DGKE: variants seen among roughly 807,000 people sequenced by gnomAD.
DGKE encodes the protein diacylglycerol kinase epsilon, also known as DAG kinase epsilon.
In DGKE, 53 loss-of-function variants were observed where a neutral mutation model predicts 70.0. The ratio of observed to expected loss-of-function variants is 0.76; its 90% CI spans 0.61 to 0.95. DGKE has a LOEUF of 0.95. Ranked by LOEUF, DGKE falls within the 40% of genes least tolerant of loss-of-function variation. The pLI, the probability that DGKE is intolerant of heterozygous loss-of-function variation, is 0.00. For missense variants in DGKE, 655 were observed against 706.9 expected, an observed-to-expected ratio of 0.93 and a Z score of 0.83; for synonymous variants, 291 against 257.0, an observed-to-expected ratio of 1.13 and a Z score of -1.27.
intron 4 of DGKE, 74 bp downstream of exon 4, chr17:56,845,883 G>A (rs1220052645): frequency 7.2e-7 from 1 of 1,393,710 alleles, no homozygotes; most frequent in Non-Finnish European, 9.6e-7. Context: ...AATGCTTCAA[G>A]TCACTAATCA....
In DGKE at chr17:56,866,206, C is replaced by T. The variant is rs902491022; in HGVS notation, c.*3415C>T. Reference sequence around the variant, plus strand: ...TCAATTTTTCCCTTGAAGCCTTTCTCTTGTTCTTCAGAGTACGCGCTGCAG... The same window carrying T: ...TCAATTTTTCCCTTGAAGCCTTTCTTTTGTTCTTCAGAGTACGCGCTGCAG... On this transcript the variant is annotated 3_prime_UTR_variant, in exon 12 of 12. Coordinates refer to ENST00000284061, the MANE Select transcript of DGKE (RefSeq NM_003647.3). 1 of 152,330 alleles carries T rather than the reference C, an allele frequency of 6.6e-6. No homozygotes were observed. Among genetic ancestry groups the T allele is most frequent in the South Asian group, 2.1e-4 (1 of 4,826 alleles). The allele number at this position is 152,330 out of a possible 1,614,324, so 9.4% of individuals were successfully genotyped here.
At position 56,844,139 on chromosome 17, in the gene DGKE, T is replaced by G. The variant is rs781673543; in HGVS notation, c.585T>G (p.Ile195Met). ...TTCCACCAAGTTATTTAACATCCAT[T>G]AATCAGATGCGTAAAGACAAAAAAA... is the stretch of plus-strand genomic sequence containing the variant. The part of the protein sequence containing the change: ...LIIPPSYLTS[I>M]NQMRKDKKTD... Residue 195 changes from isoleucine (I) to methionine (M), a missense_variant, in exon 3 of 12, where the codon ATT becomes ATG. By Grantham distance (10) the Ile-to-Met change is conservative. Transcript: ENST00000284061. 6.7e-5 allele frequency: 104 copies of G among 1,562,860 alleles called. No individual in the cohort carries two copies. In the East Asian group the frequency reaches 2.4e-3, roughly 37 times the overall value.
At chr17:56,862,391 A>G in intron 11 of DGKE, 140 bp downstream of exon 11, 1 of 907,448 alleles carries the variant, frequency 1.1e-6, no homozygotes, top group Non-Finnish European at 1.6e-6. Flanking sequence ...TAGCGGCTAG[A>G]GTGGGATGAG....
At chr17:56,840,380 G>A (rs1768017739) in intron 2 of DGKE, among the ~76,000 whole-genome samples, 1 of 150,392 alleles carries the variant, frequency 6.6e-6, no homozygotes, top group Non-Finnish European at 1.5e-5. Flanking sequence ...TGTTGTTGTT[G>A]TTGTTGTTGT....
intron 7 of DGKE, among the ~76,000 whole-genome samples, chr17:56,852,366 TCACGC>T (rs1886466840): frequency 6.7e-6 from 1 of 150,346 alleles, no homozygotes. Context: ...TGAGCCAAGA[TCACGC>T]CACTGTACTC....
At position 56,834,982 on chromosome 17, in the gene DGKE, C is replaced by G. The variant is rs368624469; in HGVS notation, c.187C>G (p.Arg63Gly). 8.1e-6 allele frequency: 13 copies of G among 1,612,492 alleles called. No individual in the cohort carries two copies. Among genetic ancestry groups the G allele is most frequent in the Non-Finnish European group, 1.1e-5 (13 of 1,179,982 alleles). The change falls in exon 2 of 12, where the codon CGC (arginine) becomes GGC (glycine). Residue 63 changes from arginine (R) to glycine (G), a missense_variant. Physicochemically the swap from Arg to Gly is moderately radical, Grantham distance 125. Coordinates refer to ENST00000284061, the MANE Select transcript of DGKE (RefSeq NM_003647.3). ...DIFRKSKHGW[R>G]DTDLFSQPTY... ...CTTCCGCAAGAGCAAGCACGGGTGG[C>G]GCGACACGGACCTGTTCAGCCAGCC...
At chr17:56,842,173 A>C (rs1907023839) in intron 2 of DGKE, among the ~76,000 whole-genome samples, 1 of 152,220 alleles carries the variant, frequency 6.6e-6, no homozygotes. Context: ...AACTGAGAAT[A>C]AATAAGTCAA....
chr17:56,862,202 A>G lies in DGKE; in HGVS notation c.1475A>G (p.Gln492Arg), dbSNP rs760341635. The G allele has an allele frequency of 6.2e-7, 1 of 1,614,238 alleles. No homozygotes were observed. Among genetic ancestry groups the G allele is most frequent in the South Asian group, 1.1e-5 (1 of 91,084 alleles). ...GGGTCTTTCCACTGTGCTCAGATTC[A>G]AGTAAAACTGGCTAATCCTTTTCGA... is the stretch of plus-strand genomic sequence containing the variant. ...VYGSFHCAQI[Q>R]VKLANPFRIG... The change falls in exon 11 of 12, where the codon CAA becomes CGA. Residue 492 changes from glutamine (Q) to arginine (R), a missense_variant. Coordinates refer to ENST00000284061, the MANE Select transcript of DGKE (RefSeq NM_003647.3).
At position 56,834,818 on chromosome 17, in the gene DGKE, C is replaced by T. The variant is rs752026075; in HGVS notation, c.23C>T (p.Ala8Val). ...AAGATGGAAGCGGAGAGGCGGCCGG[C>T]GCCGGGCTCGCCCTCCGAGGGCCTG... is the stretch of plus-strand genomic sequence containing the variant. The part of the protein sequence containing the change: MEAERRP[A>V]PGSPSEGLFA... The change falls in exon 2 of 12, where the codon GCG becomes GTG. Residue 8 changes from alanine to valine, a missense_variant. Transcript: ENST00000284061. 1 of 1,604,372 alleles carries T rather than the reference C, an allele frequency of 6.2e-7. No homozygotes were observed. Among genetic ancestry groups the T allele is most frequent in the South Asian group, 1.1e-5 (1 of 90,426 alleles).
rs148302081 is a variant in DGKE, at chr17:56,835,257, C to T, written c.462C>T (p.Tyr154=). The change falls in exon 2 of 12, where the codon TAC becomes TAT. Residue 154 remains tyrosine, a splice_region_variant and synonymous_variant. Coordinates refer to ENST00000284061, the MANE Select transcript of DGKE (RefSeq NM_003647.3). ...GCTGTCAACCCAAGCTTTGCGATTA[C>T]AGGTATGGTCTTCGTGGACACTCAC... ...QCGCQPKLCD[Y]RCIWCQKTVH... 2.5e-6 allele frequency: 4 copies of T among 1,605,974 alleles called. No homozygotes were observed. The African/African-American group carries it at 5.3e-5, about 21-fold the overall frequency.
At chr17:56,856,836 G>A (rs539902055) in intron 8 of DGKE, among the ~76,000 whole-genome samples, 1 of 151,762 alleles carries the variant, frequency 6.6e-6, no homozygotes, top group African/African-American at 2.4e-5. Context: ...AGTGGCTCAT[G>A]CCTGTAATCC....
chr17:56,864,081 G>A lies in DGKE; in HGVS notation c.*1290G>A, dbSNP rs1177739195. ...GGATAACTGAAAGCTTTGTTTCATT[G>A]TTTTATTTGCCCCTCAATTGCCACA... On this transcript the variant is annotated 3_prime_UTR_variant, in exon 12 of 12. Transcript: ENST00000284061. 8 of 152,298 alleles carry A rather than the reference G, an allele frequency of 5.3e-5. No individual in the cohort carries two copies. The highest frequency in any genetic ancestry group is 1.7e-4 in the African/African-American group (7 of 41,566). 9.4% of individuals were successfully genotyped at this position (152,298 alleles called of 1,614,324 possible).
intron 7 of DGKE, among the ~76,000 whole-genome samples, chr17:56,851,683 G>C (rs946583078): frequency 2.1e-4 from 32 of 152,146 alleles, no homozygotes; most frequent in African/African-American, 6.3e-4. Flanking sequence ...TGCCATGAGA[G>C]AGCCCCAAAG....
At chr17:56,854,804 G>A (rs1238674939) in intron 7 of DGKE, among the ~76,000 whole-genome samples, 1 of 152,114 alleles carries the variant, frequency 6.6e-6, no homozygotes, top group Non-Finnish European at 1.5e-5. Flanking sequence ...GATGGACAAA[G>A]TTTCACACCA....
At chr17:56,853,982 T>C (rs1425464899) in intron 7 of DGKE, among the ~76,000 whole-genome samples, 1 of 136,406 alleles carries the variant, frequency 7.3e-6, no homozygotes, top group Non-Finnish European at 1.6e-5. Flanking sequence ...ATTCAGACTT[T>C]AAAAAAAAAA....
In DGKE at chr17:56,835,176, G is replaced by T; in HGVS notation, c.381G>T (p.Trp127Cys). The part of the protein sequence containing the change: ...TKVLDAMPHH[W>C]IRGNVPLCSY... ...TCCTGGACGCCATGCCCCACCACTGGATCCGGGGCAACGTGCCCCTGTGCA... is the reference window on the plus strand; with the variant it reads ...TCCTGGACGCCATGCCCCACCACTGTATCCGGGGCAACGTGCCCCTGTGCA... Residue 127 changes from tryptophan to cysteine, a missense_variant, in exon 2 of 12, where the codon TGG (tryptophan) becomes TGT (cysteine). Transcript: ENST00000284061. 6.2e-7 allele frequency: 1 copy of T among 1,614,090 alleles called. No homozygotes were observed. Among genetic ancestry groups the T allele is most frequent in the Non-Finnish European group, 8.5e-7 (1 of 1,180,036 alleles).
At chr17:56,836,795 A>G (rs1347623692) in intron 2 of DGKE, among the ~76,000 whole-genome samples, 1 of 152,186 alleles carries the variant, frequency 6.6e-6, no homozygotes, top group African/African-American at 2.4e-5. Flanking sequence ...CACCACCTGC[A>G]TTAAACTTTA....
chr17:56,841,423 TAAATA>T (rs1906975403), intron 2 of DGKE, among the ~76,000 whole-genome samples: 1 of 152,112 alleles, frequency 6.6e-6, no homozygotes, highest in Non-Finnish European at 1.5e-5. Context: ...ATATTCTAGT[TAAATA>T]AAATTACATG....
Position 56,865,728 on chromosome 17 carries a change from A to G in DGKE, c.*2937A>G, listed in dbSNP as rs1040113655. 1 of 152,182 alleles carries G rather than the reference A, an allele frequency of 6.6e-6. No individual in the cohort carries two copies. Among genetic ancestry groups the G allele is most frequent in the African/African-American group, 2.4e-5 (1 of 41,456 alleles). 9.4% of individuals were successfully genotyped at this position (152,182 alleles called of 1,614,324 possible). A position where few individuals can be genotyped will look rare whatever the true frequency, so the allele number is the denominator to read the frequency against. The stretch of plus-strand genomic sequence containing the variant: ...TTATAAAATATACTGTGACTCAGAA[A>G]TTGTAAAGTCAGTTTGCGTTGTAAA... On this transcript the variant is annotated 3_prime_UTR_variant, in exon 12 of 12. Coordinates refer to ENST00000284061, the MANE Select transcript of DGKE (RefSeq NM_003647.3).
Sources: allele counts gnomAD v4.1 joint callset (sites outside exome capture counted in the v4.1 genomes callset), GRCh38; gene constraint gnomAD v4.1.1; transcripts MANE v1.5; gene names NCBI Gene and HGNC (gene_info 2026-07-23, HGNC 2026-07-21).